LARP1: variants seen among roughly 807,000 people sequenced by gnomAD.
LARP1 encodes La ribonucleoprotein 1, translational regulator.
In LARP1, 36 loss-of-function variants were observed where a neutral mutation model predicts 122.7. That is an observed-to-expected ratio of 0.29 (90% CI 0.22 to 0.39). The LOEUF (loss-of-function observed/expected upper bound fraction) is 0.39, where lower values mean the gene tolerates loss of function less well. LARP1 is among the 10% of genes least tolerant of loss of function. LARP1 has a pLI of 1.00. For synonymous variants in LARP1, 539 were observed against 528.7 expected (o/e 1.02, Z -0.27); for missense variants, 1,040 against 1,403.6 (o/e 0.74, Z 4.14).
chr5:154,745,504 C>T (rs1254782696), intron 1 of LARP1, among the ~76,000 whole-genome samples: 3 of 152,172 alleles, frequency 2.0e-5, no homozygotes, highest in Non-Finnish European at 4.4e-5. Context: ...CTACAATAAT[C>T]CTCAGGGGTA....
chr5:154,720,744 C>G (rs371666509), intron 1 of LARP1, among the ~76,000 whole-genome samples: 1 of 152,014 alleles, frequency 6.6e-6, no homozygotes, highest in Admixed American at 6.6e-5. Context: ...AAAATTCTTT[C>G]CTTCCAAGTT....
At chr5:154,699,481 C>T (rs149387674) in intron 1 of LARP1, among the ~76,000 whole-genome samples, 1 of 108,608 alleles carries the variant, frequency 9.2e-6, no homozygotes, top group African/African-American at 3.9e-5. Flanking sequence ...ATAGCAAGAC[C>T]CCTCTTTCTA....
chr5:154,749,168 C>CA (rs985977367), intron 1 of LARP1, among the ~76,000 whole-genome samples: 16 of 152,116 alleles, frequency 1.1e-4, no homozygotes, highest in African/African-American at 3.6e-4. Flanking sequence ...AGAGAGCTGA[C>CA]ACAGGCAAGT....
chr5:154,790,267 GGCAGTA>G (rs1236471353), intron 1 of LARP1, 52 bp from the exon 2 acceptor site: 18 of 1,446,762 alleles, frequency 1.2e-5, no homozygotes, highest in Non-Finnish European at 1.6e-5. Context: ...GTGAGGAGCT[GGCAGTA>G]GCCCCCTCAC....
At position 154,778,000 on chromosome 5, in the gene LARP1, G is replaced by A. The variant is rs184786456; in HGVS notation, c.437-12325G>A. ...GTGCAGGATGGGTGCGGTGACTCAC[G>A]CCTGTAATCCCAGCACTTTGGGAGG... On this transcript the variant is annotated intron_variant, in intron 1 of 18. Coordinates refer to ENST00000518297, the MANE Select transcript of LARP1 (RefSeq NM_033551.3). 9.2e-5 allele frequency among the ~76,000 whole-genome samples: 14 copies of A among 152,108 alleles called. 1 individual carries two copies. Among genetic ancestry groups the A allele is most frequent in the Admixed American group, 2.6e-4 (4 of 15,266 alleles).
chr5:154,815,522 C>T lies in LARP1; in HGVS notation c.*1426C>T, dbSNP rs749109471. ...AAATCTTTGAGACCTCAGGGAGGCT[C>T]TGTCTCTCTTAAAAGGTGGAGAAAG... On this transcript the variant is annotated 3_prime_UTR_variant, in exon 19 of 19. Transcript: ENST00000518297. The T allele has an allele frequency of 6.6e-6, 1 of 152,150 alleles. No homozygotes were observed. The highest frequency in any genetic ancestry group is 1.5e-5 in the Non-Finnish European group (1 of 68,032). The allele number at this position is 152,150 out of a possible 1,614,324, so 9.4% of individuals were successfully genotyped here. A position where few individuals can be genotyped will look rare whatever the true frequency, so the allele number is the denominator to read the frequency against.
chr5:154,734,858 T>C (rs540652686), intron 1 of LARP1, among the ~76,000 whole-genome samples: 2 of 152,310 alleles, frequency 1.3e-5, no homozygotes, highest in East Asian at 3.9e-4. Flanking sequence ...GTAACCAGCA[T>C]TCCACTTTCT....
chr5:154,765,811 T>A (rs1055239558), intron 1 of LARP1, among the ~76,000 whole-genome samples: 19 of 152,230 alleles, frequency 1.2e-4, no homozygotes, highest in African/African-American at 4.6e-4. Flanking sequence ...TGGTGAACAT[T>A]TAGTGAAAGA....
rs1759615339 is a variant in LARP1, at chr5:154,815,606, G to A, written c.*1510G>A. On this transcript the variant is annotated 3_prime_UTR_variant, in exon 19 of 19. Transcript: ENST00000518297. Reference sequence around the variant, plus strand: ...CCCCATCTTGCATACCCTTCTGCAAGCCATCTATCTCTGCTCACTCTCCAA... The same window carrying A: ...CCCCATCTTGCATACCCTTCTGCAAACCATCTATCTCTGCTCACTCTCCAA... The A allele has an allele frequency of 2.0e-5, 3 of 152,230 alleles. No individual in the cohort carries two copies. Among genetic ancestry groups the A allele is most frequent in the African/African-American group, 7.2e-5 (3 of 41,452 alleles). The allele number at this position is 152,230 out of a possible 1,614,324, so 9.4% of individuals were successfully genotyped here. A position where few individuals can be genotyped will look rare whatever the true frequency, so the allele number is the denominator to read the frequency against.
chr5:154,755,069 C>T (rs1005273693), upstream of LARP1, among the ~76,000 whole-genome samples: 1 of 152,054 alleles, frequency 6.6e-6, no homozygotes, highest in African/African-American at 2.4e-5. Flanking sequence ...CCCGTCAGCG[C>T]CCCCACCGAC....
At chr5:154,724,307 GTTCTT>G (rs1273021412) in intron 1 of LARP1, among the ~76,000 whole-genome samples, 1 of 152,204 alleles carries the variant, frequency 6.6e-6, no homozygotes, top group Admixed American at 6.5e-5. Context: ...ATTATCATCT[GTTCTT>G]TACTGGAGGA....
intron 1 of LARP1, among the ~76,000 whole-genome samples, chr5:154,771,517 C>T (rs370879379): frequency 1.3e-5 from 2 of 152,160 alleles, no homozygotes; most frequent in African/African-American, 2.4e-5. Context: ...GAGTTCATGC[C>T]GTACACATCA....
chr5:154,776,191 G>GT (rs1164807891), intron 1 of LARP1, among the ~76,000 whole-genome samples: 2 of 152,290 alleles, frequency 1.3e-5, no homozygotes, highest in South Asian at 2.1e-4. Flanking sequence ...TGAGCAAACA[G>GT]TAAGATTTTT....
intron 3 of LARP1, among the ~76,000 whole-genome samples, chr5:154,791,756 T>C (rs938421717): frequency 5.3e-5 from 8 of 152,210 alleles, no homozygotes; most frequent in Admixed American, 2.0e-4. Context: ...GCCTTCCGTG[T>C]ATGCAGGTTT....
rs562675949 is a variant in LARP1, at chr5:154,779,771, G to C, written c.437-10554G>C. Among the ~76,000 whole-genome samples the C allele has an allele frequency of 8.1e-4, 124 of 152,150 alleles. 2 individuals carry two copies. Among genetic ancestry groups the C allele is most frequent in the Middle Eastern group, 6.8e-3 (2 of 294 alleles). On this transcript the variant is annotated intron_variant, in intron 1 of 18. Transcript: ENST00000518297. Reference sequence around the variant, plus strand: ...GATCCGCCTGCCTCGGCCTCCCAAAGTGCTGAGATTACAGGCATGAGCCAC... The same window carrying C: ...GATCCGCCTGCCTCGGCCTCCCAAACTGCTGAGATTACAGGCATGAGCCAC...
intron 1 of LARP1, among the ~76,000 whole-genome samples, chr5:154,726,516 A>T (rs1163724897): frequency 6.6e-6 from 1 of 152,220 alleles, no homozygotes; most frequent in East Asian, 1.9e-4. Flanking sequence ...TATGTGATTA[A>T]TATAGTCAAG....
chr5:154,722,678 G>GTTT (rs11315331), intron 1 of LARP1, among the ~76,000 whole-genome samples: 7 of 99,140 alleles, frequency 7.1e-5, no homozygotes, highest in South Asian at 3.4e-4. Context: ...TCTTTCCTAG[G>GTTT]TTTTTTTTTT....
At position 154,694,621 on chromosome 5, in the gene LARP1, A is replaced by G. The variant is rs184515671; in HGVS notation, c.-180+11584A>G. Among the ~76,000 whole-genome samples the G allele has an allele frequency of 1.3e-3, 195 of 152,288 alleles. 1 individual carries two copies. Among genetic ancestry groups the G allele is most frequent in the African/African-American group, 4.6e-3 (191 of 41,568 alleles). ...ACTTGGTATTAGATGATATAAGAAA[A>G]TTATTGCTAATTTTGTGAGACGTGT... On this transcript the variant is annotated intron_variant, in intron 1 of 18. Coordinates refer to the LARP1 transcript ENST00000687700.
In LARP1 at chr5:154,755,893, G is replaced by C. The variant is rs1298329723; in HGVS notation, c.136G>C (p.Gly46Arg). The change falls in exon 1 of 19, where the codon GGG becomes CGG. Residue 46 changes from glycine to arginine, a missense_variant. Gly to Arg is a moderately radical substitution (Grantham distance 125). This residue lies in a region of LARP1 where 257 missense variants were observed against 273.3 expected (regional missense o/e 0.94). Coordinates refer to ENST00000518297, the MANE Select transcript of LARP1 (RefSeq NM_033551.3). Reference sequence around the variant, plus strand: ...CGAGCCCGGGCCAAACGACGTCCGCGGGGGGGAGCCGGACGGCAGCGCTCG... The same window carrying C: ...CGAGCCCGGGCCAAACGACGTCCGCCGGGGGGAGCCGGACGGCAGCGCTCG... ...KGEPGPNDVRGGEPDGSARRP... is the reference protein window; with the variant it reads ...KGEPGPNDVRRGEPDGSARRP... The C allele has an allele frequency of 4.9e-6, 5 of 1,010,776 alleles. No homozygotes were observed. The highest frequency in any genetic ancestry group is 1.1e-4 in the East Asian group (1 of 9,126). The allele number at this position is 1,010,776 out of a possible 1,614,324, so 62.6% of individuals were successfully genotyped here.
Sources: gnomAD v4.1 joint callset for allele counts (sites outside exome capture counted in the v4.1 genomes callset) on GRCh38, gnomAD v4.1.1 for gene constraint, gnomAD v4.1.1 regional missense constraint, MANE v1.5 for transcripts, NCBI Gene and HGNC (gene_info 2026-07-23, HGNC 2026-07-21) for gene names.